TRPV1: variants seen among roughly 807,000 people sequenced by gnomAD.
TRPV1 encodes the protein transient receptor potential cation channel subfamily V member 1, also known as OTRPC1.
Under a neutral mutation model 82.3 loss-of-function variants are expected in TRPV1, and 82 were observed. That is an observed-to-expected ratio of 1.00 (90% confidence interval 0.83 to 1.20). TRPV1 has a LOEUF of 1.20. Among genes scored for constraint, TRPV1 ranks in the 50% most tolerant of loss-of-function variants. The pLI is 0.00. For synonymous variants in TRPV1, 515 were observed against 467.7 expected (o/e 1.10, Z -1.30); for missense variants, 1,067 against 1,096.8 (o/e 0.97, Z 0.38).
intron 8 of TRPV1, among the ~76,000 whole-genome samples, chr17:3,587,209 C>T (rs1190264375): frequency 2.0e-5 from 3 of 152,214 alleles, no homozygotes; most frequent in East Asian, 1.9e-4. Context: ...GTATCCAGCA[C>T]TCTGAGTTGG....
At position 3,580,452 on chromosome 17, in the gene TRPV1, C is replaced by G; in HGVS notation, c.1547+5G>C. ...GGACTGGGAATGAGTCAAAGTGTCACTTACAAAAGCATCTCACTGTAGCTG... is the reference window on the plus strand; with the variant it reads ...GGACTGGGAATGAGTCAAAGTGTCAGTTACAAAAGCATCTCACTGTAGCTG... On this transcript the variant is annotated splice_donor_5th_base_variant and intron_variant, in intron 11 of 16. Coordinates refer to ENST00000572705, the MANE Select transcript of TRPV1 (RefSeq NM_080704.4). 1 of 1,614,054 alleles carries G rather than the reference C, an allele frequency of 6.2e-7. No homozygotes were observed. Among genetic ancestry groups the G allele is most frequent in the Non-Finnish European group, 8.5e-7 (1 of 1,179,904 alleles).
In TRPV1 at chr17:3,590,373, G is replaced by A. The variant is rs201566423; in HGVS notation, c.624C>T (p.Ile208=). The change falls in exon 6 of 17, where the codon ATC becomes ATT. Residue 208 remains isoleucine, a synonymous_variant. Transcript: ENST00000572705. The part of the protein sequence containing the change: ...SYYKGQTALH[I]AIERRNMALV... ...GGGCCATGTTGCGTCTCTCGATGGC[G>A]ATGTGCAGTGCTGTCTGGCCTACAG... 2.4e-5 allele frequency: 39 copies of A among 1,613,932 alleles called. No homozygotes were observed. The highest frequency in any genetic ancestry group is 4.4e-5 in the South Asian group (4 of 91,082).
intron 10 of TRPV1, among the ~76,000 whole-genome samples, chr17:3,581,396 G>A (rs977886351): frequency 6.6e-6 from 1 of 152,074 alleles, no homozygotes; most frequent in Non-Finnish European, 1.5e-5. Context: ...CCTCCCACAG[G>A]CCAATCCTGC....
chr17:3,593,258 C>T (rs1358150178), intron 2 of TRPV1, among the ~76,000 whole-genome samples: 1 of 152,154 alleles, frequency 6.6e-6, no homozygotes, highest in African/African-American at 2.4e-5. Flanking sequence ...GCTGGGATTA[C>T]AGGCGCCCGC....
chr17:3,586,021 C>T lies in TRPV1; in HGVS notation c.1225-95G>A, dbSNP rs1020409876. ...TGGTGCCCCTCACAGCCATGTGGCC[C>T]GCACAGTCCTCAGCCCACGGAGCAG... On this transcript the variant is annotated intron_variant, in intron 8 of 16. Transcript: ENST00000572705. 26 of 1,489,726 alleles carry T rather than the reference C, an allele frequency of 1.7e-5. No individual in the cohort carries two copies. The African/African-American group carries it at 3.0e-4, about 17-fold the overall frequency. 92.3% of individuals were successfully genotyped at this position (1,489,726 alleles called of 1,614,324 possible). A position where few individuals can be genotyped will look rare whatever the true frequency, so the allele number is the denominator to read the frequency against.
intron 2 of TRPV1, among the ~76,000 whole-genome samples, chr17:3,599,632 CTTT>C (rs34701684): frequency 7.1e-6 from 1 of 141,564 alleles, no homozygotes. Flanking sequence ...TTTTTCTTTT[CTTT>C]TTTTTTTTTT....
Position 3,566,877 on chromosome 17 carries a change from CT to C in TRPV1, c.2457del (p.Ser821LeufsTer2), listed in dbSNP as rs1422101232. 1.2e-6 allele frequency: 2 copies of C among 1,613,874 alleles called. No individual in the cohort carries two copies. Among genetic ancestry groups the C allele is most frequent in the African/African-American group, 2.7e-5 (2 of 74,934 alleles). ...TCAGCGTCCTCTGGCTTCAGAGACC[CT>C]GAAAACTGTCGCAGATAAACTTCCT... is the stretch of plus-strand genomic sequence containing the variant. ...QPEEVYLRQF[S>X]GSLKPEDAEV... On this transcript the variant is annotated frameshift_variant, in exon 17 of 17. Coordinates refer to ENST00000572705, the MANE Select transcript of TRPV1 (RefSeq NM_080704.4). LOFTEE classifies it high-confidence loss of function.
intron 2 of TRPV1, among the ~76,000 whole-genome samples, chr17:3,596,553 G>A (rs1567674647): frequency 6.6e-6 from 1 of 152,164 alleles, no homozygotes; most frequent in Non-Finnish European, 1.5e-5. Context: ...AGGGCGACAC[G>A]CTGAAAACCT....
In TRPV1 at chr17:3,566,922, T is replaced by C; in HGVS notation, c.2413A>G (p.Arg805Gly). 6.2e-7 allele frequency: 1 copy of C among 1,613,984 alleles called. No homozygotes were observed. The highest frequency in any genetic ancestry group is 2.2e-5 in the East Asian group (1 of 44,888). Residue 805 changes from arginine (R) to glycine (G), a missense_variant, in exon 17 of 17, where the codon AGG becomes GGG. Physicochemically the swap from Arg to Gly is moderately radical, Grantham distance 125. Coordinates refer to ENST00000572705, the MANE Select transcript of TRPV1 (RefSeq NM_080704.4). ...ACTTCCTCGGGCTGAGCAGACTGCC[T>C]ATCTCGAGCACTTGCCTCTCTTAAA... ...PLLREASARD[R>G]QSAQPEEVYL...
intron 13 of TRPV1, among the ~76,000 whole-genome samples, chr17:3,574,993 T>G (rs1218404538): frequency 1.3e-5 from 2 of 148,966 alleles, no homozygotes; most frequent in African/African-American, 4.9e-5. Flanking sequence ...CTCCAGTGAC[T>G]AATCTCAGAC....
intron 5 of TRPV1, 106 bp downstream of exon 5, chr17:3,590,858 C>T: frequency 7.0e-7 from 1 of 1,422,746 alleles, no homozygotes; most frequent in Non-Finnish European, 9.3e-7. Flanking sequence ...GTGGCTGGGA[C>T]AGGGAGTAAG....
intron 9 of TRPV1, among the ~76,000 whole-genome samples, chr17:3,583,897 C>G (rs932776197): frequency 6.6e-6 from 1 of 152,158 alleles, no homozygotes; most frequent in Non-Finnish European, 1.5e-5. Flanking sequence ...TTTCAGTGGC[C>G]ATTTCCTGGA....
rs777827159 is a variant in TRPV1, at chr17:3,591,286, T to C, written c.352A>G (p.Ile118Val). The C allele has an allele frequency of 1.2e-6, 2 of 1,613,120 alleles. No homozygotes were observed. Among genetic ancestry groups the C allele is most frequent in the Non-Finnish European group, 1.7e-6 (2 of 1,179,756 alleles). Reference protein sequence around the residue: ...KTLRLYDRRSIFEAVAQNNCQ... With the variant: ...KTLRLYDRRSVFEAVAQNNCQ... ...TTATTCTGAGCAACGGCTTCAAAGA[T>C]ACTCCTGCGATCATAGAGCCTGAGG... is the stretch of plus-strand genomic sequence containing the variant. Residue 118 changes from isoleucine to valine, a missense_variant, in exon 4 of 17, where the codon ATC becomes GTC. Ile to Val is a conservative substitution (Grantham distance 29, BLOSUM62 3). Transcript: ENST00000572705.
intron 8 of TRPV1, among the ~76,000 whole-genome samples, chr17:3,587,336 C>T (rs1359869059): frequency 6.6e-6 from 1 of 152,202 alleles, no homozygotes; most frequent in Non-Finnish European, 1.5e-5. Context: ...GGAAGCCCCT[C>T]ACTGCTGATG....
intron 13 of TRPV1, among the ~76,000 whole-genome samples, chr17:3,574,315 C>T (rs534507734): frequency 2.0e-5 from 3 of 152,272 alleles, no homozygotes; most frequent in South Asian, 4.1e-4. Context: ...AGCACTGAGC[C>T]GCTCAGAGCA....
Position 3,577,748 on chromosome 17 carries a change from C to A in TRPV1, c.1563G>T (p.Leu521=). ...ACAGCACCACGGTGGCCAGCATGAACAGTGACTGCAGAAAGCTGCGGGTGG... is the reference window on the plus strand; with the variant it reads ...ACAGCACCACGGTGGCCAGCATGAAAAGTGACTGCAGAAAGCTGCGGGTGG... ...YSEMLFFLQS[L]FMLATVVLYF... The change falls in exon 12 of 17, where the codon CTG becomes CTT. Residue 521 remains leucine (L), a synonymous_variant. Coordinates refer to ENST00000572705, the MANE Select transcript of TRPV1 (RefSeq NM_080704.4). 3 of 1,592,534 alleles carry A rather than the reference C, an allele frequency of 1.9e-6. No individual in the cohort carries two copies. Among genetic ancestry groups the A allele is most frequent in the Non-Finnish European group, 2.6e-6 (3 of 1,170,004 alleles).
chr17:3,595,036 T>G (rs1419796318), intron 2 of TRPV1, among the ~76,000 whole-genome samples: 3 of 152,038 alleles, frequency 2.0e-5, no homozygotes, highest in African/African-American at 4.8e-5. Flanking sequence ...TTTGGAAGCC[T>G]GGGGGGCCGG....
At position 3,588,203 on chromosome 17, in the gene TRPV1, G is replaced by C. The variant is rs201938592; in HGVS notation, c.1209C>G (p.Ser403Arg). 7.8e-5 allele frequency: 122 copies of C among 1,565,544 alleles called. No individual in the cohort carries two copies. The highest frequency in any genetic ancestry group is 1.0e-4 in the Non-Finnish European group (120 of 1,155,530). ...AGCCACTCACAGGGGTCTCGCTGCTGCTGTAGGCGATCACCTCCAGCACCG... is the reference window on the plus strand; with the variant it reads ...AGCCACTCACAGGGGTCTCGCTGCTCCTGTAGGCGATCACCTCCAGCACCG... ...KNSVLEVIAY[S>R]SSETPNRHDM... Residue 403 changes from serine to arginine, a missense_variant, in exon 8 of 17, where the codon AGC becomes AGG. Ser to Arg is a moderately radical substitution (Grantham distance 110, BLOSUM62 -1). Transcript: ENST00000572705.
intron 10 of TRPV1, among the ~76,000 whole-genome samples, chr17:3,582,830 G>A (rs1430424432): frequency 6.9e-6 from 1 of 144,902 alleles, no homozygotes; most frequent in Non-Finnish European, 1.5e-5. Context: ...TGTGGTGGCA[G>A]GCGCCTGTAA....
Sources: gnomAD v4.1 joint callset for allele counts (sites outside exome capture counted in the v4.1 genomes callset) on GRCh38, gnomAD v4.1.1 for gene constraint, MANE v1.5 for transcripts, NCBI Gene and HGNC (gene_info 2026-07-23, HGNC 2026-07-21) for gene names.